The following FRMPD4 variants were observed in gnomAD, a reference collection of about 807,000 sequenced individuals.
FRMPD4 encodes the protein FERM and PDZ domain-containing protein 4.
Under a neutral mutation model 94.1 loss-of-function variants are expected in FRMPD4, and 22 were observed. The ratio of observed to expected loss-of-function variants is 0.23; its 90% CI spans 0.17 to 0.33. The LOEUF (loss-of-function observed/expected upper bound fraction) is 0.33, where lower values mean the gene tolerates loss of function less well. Ranked by LOEUF, FRMPD4 falls within the 10% of genes least tolerant of loss-of-function variation. FRMPD4 has a pLI of 1.00. For synonymous variants in FRMPD4, 631 were observed against 548.6 expected, an observed-to-expected ratio of 1.15 and a Z score of -2.10; for missense variants, 1,111 against 1,339.9, an observed-to-expected ratio of 0.83 and a Z score of 2.67.
chrX:12,584,882 A>G (rs2058908478), intron 2 of FRMPD4, among the ~76,000 whole-genome samples: 1 of 112,229 alleles, frequency 8.9e-6, no homozygotes. Flanking sequence ...GAAACATGCT[A>G]AAGTATGTGG....
chrX:12,125,044 C>T (rs2055487616), intron 3 of FRMPD4, among the ~76,000 whole-genome samples: 1 of 112,142 alleles, frequency 8.9e-6, no homozygotes, highest in Admixed American at 9.5e-5. Flanking sequence ...AGCAGTCCCA[C>T]TGACTGGGTT....
chrX:11,953,709 GC>G (rs769894204), intron 3 of FRMPD4, among the ~76,000 whole-genome samples: 22 of 111,645 alleles, frequency 2.0e-4, no homozygotes, highest in African/African-American at 7.2e-4. Context: ...AGAGCGATGA[GC>G]AGGAAATGCC....
chrX:12,247,736 G>C (rs1467387526), intron 1 of FRMPD4, among the ~76,000 whole-genome samples: 2 of 111,964 alleles, frequency 1.8e-5, no homozygotes, highest in African/African-American at 3.2e-5. Flanking sequence ...TGTCTAATCA[G>C]TAAAAAATAA....
In FRMPD4 at chrX:12,283,966, T is replaced by A. The variant is rs188780278; in HGVS notation, c.41+144954T>A. The stretch of plus-strand genomic sequence containing the variant: ...ATAATAGGTGTTAAGAGAAAAAAAA[T>A]TCCATGGCCAACTAGTGTAGTAAAA... On this transcript the variant is annotated intron_variant, in intron 1 of 16. Coordinates refer to ENST00000675598, the MANE Select transcript of FRMPD4 (RefSeq NM_001368397.1). Among the ~76,000 whole-genome samples, 359 of 111,565 alleles carry A rather than the reference T, an allele frequency of 3.2e-3. 5 individuals are homozygous for A. The East Asian group carries it at 0.057, about 18-fold the overall frequency.
At chrX:11,918,235 T>A (rs2147342559) in intron 3 of FRMPD4, among the ~76,000 whole-genome samples, 1 of 113,304 alleles carries the variant, frequency 8.8e-6, no homozygotes, top group East Asian at 2.8e-4. Context: ...CAAATTGAGT[T>A]ATTAATTTGT....
At chrX:12,692,178 G>A (rs943641734) in intron 8 of FRMPD4, among the ~76,000 whole-genome samples, 4 of 112,070 alleles carry the variant, frequency 3.6e-5, no homozygotes, top group Non-Finnish European at 3.8e-5. Context: ...ACAACTTCCC[G>A]CTCCAGTTAC....
In FRMPD4 at chrX:12,657,856, C is replaced by T. The variant is rs184151255; in HGVS notation, c.423-17007C>T. ...GGTTCTTAAATTTAAGTCTAGCCTC[C>T]GGAAACAGAAGCCTTTTTTCTAACT... On this transcript the variant is annotated intron_variant, in intron 4 of 16. Transcript: ENST00000675598. Among the ~76,000 whole-genome samples the T allele has an allele frequency of 1.4e-4, 16 of 112,444 alleles. No individual in the cohort carries two copies. The East Asian group carries it at 2.5e-3, about 18-fold the overall frequency.
At chrX:12,453,664 T>C (rs1339822616) in intron 1 of FRMPD4, among the ~76,000 whole-genome samples, 1 of 111,843 alleles carries the variant, frequency 8.9e-6, no homozygotes, top group Non-Finnish European at 1.9e-5. Context: ...CTATATTCTA[T>C]CGTTTATTCA....
At chrX:11,870,969 T>C (rs1252476334) in intron 2 of FRMPD4, among the ~76,000 whole-genome samples, 1 of 112,350 alleles carries the variant, frequency 8.9e-6, no homozygotes, top group Non-Finnish European at 1.9e-5. Context: ...CGATAGCAGA[T>C]GCAGCTGTGG....
intron 1 of FRMPD4, among the ~76,000 whole-genome samples, chrX:12,215,493 A>T (rs913857005): frequency 8.9e-6 from 1 of 112,037 alleles, no homozygotes; most frequent in Non-Finnish European, 1.9e-5. Context: ...AGTTAAACAC[A>T]GTAGAAAGCA....
chrX:12,026,432 A>G (rs913186192), intron 3 of FRMPD4, among the ~76,000 whole-genome samples: 1 of 111,763 alleles, frequency 8.9e-6, no homozygotes, highest in Non-Finnish European at 1.9e-5. Flanking sequence ...AGAAATGTGA[A>G]AAGTCTCTGA....
chrX:11,857,039 C>T lies in FRMPD4; in HGVS notation c.-160-8047C>T, dbSNP rs138391077. 4.1e-3 allele frequency among the ~76,000 whole-genome samples: 457 copies of T among 111,371 alleles called. 4 individuals carry two copies. Among genetic ancestry groups the T allele is most frequent in the African/African-American group, 0.014 (441 of 30,621 alleles). ...CTCTACAAGGAGAGCTACAAATGAC[C>T]GCTCAGAGAAATCAGAGATGACACA... is the stretch of plus-strand genomic sequence containing the variant. On this transcript the variant is annotated intron_variant, in intron 1 of 18. Transcript: ENST00000640291.
At chrX:11,945,249 G>A (rs780911826) in intron 3 of FRMPD4, among the ~76,000 whole-genome samples, 18 of 111,854 alleles carry the variant, frequency 1.6e-4, no homozygotes, top group Admixed American at 1.4e-3. Flanking sequence ...GACTTGGGAC[G>A]GGAAATTTAG....
chrX:11,826,620 T>C (rs1163338288), intron 1 of FRMPD4, among the ~76,000 whole-genome samples: 1 of 112,080 alleles, frequency 8.9e-6, no homozygotes, highest in Non-Finnish European at 1.9e-5. Context: ...TCCTAAAGAC[T>C]TGAGTACTTT....
intron 1 of FRMPD4, among the ~76,000 whole-genome samples, chrX:12,484,727 G>T (rs2057722087): frequency 9.0e-6 from 1 of 111,728 alleles, no homozygotes; most frequent in South Asian, 3.8e-4. Flanking sequence ...GGTGGCACAT[G>T]ACTTAACTCA....
At chrX:11,924,352 G>A (rs2054074152) in intron 3 of FRMPD4, among the ~76,000 whole-genome samples, 1 of 112,058 alleles carries the variant, frequency 8.9e-6, no homozygotes, top group Non-Finnish European at 1.9e-5. Flanking sequence ...TCATTCATGA[G>A]AACTTTCCCA....
Position 12,696,854 on chromosome X carries a change from G to A in FRMPD4, c.933+2400G>A, listed in dbSNP as rs746434949. Among the ~76,000 whole-genome samples the A allele has an allele frequency of 4.5e-5, 5 of 111,850 alleles. No individual in the cohort carries two copies. The South Asian group carries it at 1.5e-3, about 34-fold the overall frequency. On this transcript the variant is annotated intron_variant, in intron 9 of 16. Coordinates refer to ENST00000675598, the MANE Select transcript of FRMPD4 (RefSeq NM_001368397.1). ...ATGGAAGAGAGACTAGACAAGGTAG[G>A]TATCAGAGGTTAAGAATGGTGACAT...
chrX:12,151,021 G>GT (rs1330279392), intron 1 of FRMPD4, among the ~76,000 whole-genome samples: 2 of 111,520 alleles, frequency 1.8e-5, no homozygotes, highest in African/African-American at 6.5e-5. Context: ...CCCAGAGTTA[G>GT]TTTTTTATCG....
chrX:12,095,149 G>A (rs1348354636), intron 3 of FRMPD4, among the ~76,000 whole-genome samples: 3 of 111,341 alleles, frequency 2.7e-5, no homozygotes, highest in Non-Finnish European at 3.8e-5. Context: ...GGCCAAGGCA[G>A]GAAGATTGCT....
Sources: gnomAD v4.1 joint callset for allele counts (sites outside exome capture counted in the v4.1 genomes callset) on GRCh38, gnomAD v4.1.1 for gene constraint, MANE v1.5 for transcripts, NCBI Gene and HGNC (gene_info 2026-07-23, HGNC 2026-07-21) for gene names.